The following CACNA2D3 variants were observed in gnomAD, a reference collection of about 807,000 sequenced individuals.
The protein encoded by CACNA2D3 is voltage-dependent calcium channel subunit alpha-2/delta-3.
Under a neutral mutation model 160.6 loss-of-function variants are expected in CACNA2D3, and 60 were observed. The observed-to-expected ratio is 0.37, with a 90% CI of 0.30 to 0.46. The LOEUF (loss-of-function observed/expected upper bound fraction) is 0.46. Ranked by LOEUF, CACNA2D3 falls within the 20% of genes least tolerant of loss-of-function variation. The pLI, the probability that CACNA2D3 is intolerant of heterozygous loss-of-function variation, is 1.00. For missense variants in CACNA2D3, 1,205 were observed against 1,365.0 expected (o/e 0.88, Z 1.85); for synonymous variants, 558 against 492.9 (o/e 1.13, Z -1.75).
At chr3:54,689,414 C>A (rs549619949) in intron 11 of CACNA2D3, among the ~76,000 whole-genome samples, 1 of 152,072 alleles carries the variant, frequency 6.6e-6, no homozygotes, top group Non-Finnish European at 1.5e-5. Flanking sequence ...GTTGACAGCC[C>A]CCAGATGTGT....
intron 27 of CACNA2D3, chr3:54,927,945 G>A (rs763365242): frequency 4.3e-6 from 7 of 1,610,912 alleles, no homozygotes; most frequent in East Asian, 2.2e-5. Flanking sequence ...TGCTGACCTC[G>A]TAGACCCTTT....
rs71074970 is a variant in CACNA2D3, at chr3:54,451,229, C to CTTTTTTTTTTTTT, written c.382-52243_382-52231dup. Among the ~76,000 whole-genome samples, 18 of 51,754 alleles carry CTTTTTTTTTTTTT rather than the reference C, an allele frequency of 3.5e-4. 6 individuals are homozygous for CTTTTTTTTTTTTT. Among genetic ancestry groups the CTTTTTTTTTTTTT allele is most frequent in the African/African-American group, 1.4e-3 (16 of 11,608 alleles). The allele number at this position is 51,754 out of a possible 152,430, so 34.0% of individuals were successfully genotyped here. A position where few individuals can be genotyped will look rare whatever the true frequency, so the allele number is the denominator to read the frequency against. ...TGTCCCTTTCTGCTGATATAATAAT[C>CTTTTTTTTTTTTT]TTTTTTTTTTTTTTTTTTTTTTTTT... On this transcript the variant is annotated intron_variant, in intron 4 of 37. Transcript: ENST00000474759.
At position 54,538,060 on chromosome 3, in the gene CACNA2D3, G is replaced by A. The variant is rs530337764; in HGVS notation, c.545-24740G>A. On this transcript the variant is annotated intron_variant, in intron 5 of 37. Transcript: ENST00000474759. ...ACAGTCACGTGAGTGTCCACCTGGG[G>A]AGTAGAACTCAGGAGGTGATCTGGG... Among the ~76,000 whole-genome samples the A allele has an allele frequency of 2.0e-5, 3 of 152,238 alleles. No individual in the cohort carries two copies. The East Asian group carries it at 5.8e-4, about 29-fold the overall frequency.
At chr3:54,349,433 A>G (rs1575409352) in intron 3 of CACNA2D3, among the ~76,000 whole-genome samples, 2 of 152,290 alleles carry the variant, frequency 1.3e-5, no homozygotes, top group Admixed American at 6.5e-5. Context: ...CATGGAGCCT[A>G]TCAGCAATAC....
intron 4 of CACNA2D3, among the ~76,000 whole-genome samples, chr3:54,405,074 TCTATA>T (rs371578107): frequency 1.8e-3 from 277 of 150,678 alleles, no homozygotes; most frequent in African/African-American, 4.8e-3. Flanking sequence ...TGTTAAAATG[TCTATA>T]CTATACTATA....
chr3:54,365,264 C>T (rs1220476908), intron 3 of CACNA2D3, among the ~76,000 whole-genome samples: 2 of 152,222 alleles, frequency 1.3e-5, no homozygotes, highest in Non-Finnish European at 2.9e-5. Context: ...AGACGCTCCA[C>T]TCTGTGGCCT....
chr3:54,627,386 C>T (rs114132108), intron 9 of CACNA2D3, among the ~76,000 whole-genome samples: 1,968 of 152,096 alleles, frequency 0.013, 49 homozygotes, highest in African/African-American at 0.045. Context: ...GAGGGCGTGG[C>T]AGGAGAGCCA....
intron 11 of CACNA2D3, among the ~76,000 whole-genome samples, chr3:54,692,335 A>G (rs1019731670): frequency 6.6e-6 from 1 of 152,150 alleles, no homozygotes; most frequent in East Asian, 1.9e-4. Flanking sequence ...TCCACTAAGA[A>G]TTCCTTTTAA....
At chr3:54,861,076 C>T (rs928374315) in intron 17 of CACNA2D3, among the ~76,000 whole-genome samples, 1 of 152,112 alleles carries the variant, frequency 6.6e-6, no homozygotes, top group African/African-American at 2.4e-5. Context: ...CGGTGGTGAA[C>T]CTGAAATAGT....
chr3:54,386,143 A>G (rs1160115980), intron 3 of CACNA2D3: 2 of 348,582 alleles, frequency 5.7e-6, no homozygotes, highest in Non-Finnish European at 1.1e-5. Flanking sequence ...TATTAGTTTA[A>G]TTTAAGTGAT....
At chr3:54,333,182 C>T (rs930721755) in intron 3 of CACNA2D3, among the ~76,000 whole-genome samples, 7 of 151,480 alleles carry the variant, frequency 4.6e-5, no homozygotes, top group Admixed American at 2.6e-4. Flanking sequence ...TAGAGGTGGT[C>T]GATTCATGTG....
chr3:54,393,979 C>G (rs549802994), intron 4 of CACNA2D3, among the ~76,000 whole-genome samples: 11 of 152,310 alleles, frequency 7.2e-5, no homozygotes, highest in African/African-American at 2.6e-4. Context: ...GTTGCTGCTG[C>G]ATGTGTCCAT....
At chr3:54,665,708 A>C (rs1700053685) in intron 11 of CACNA2D3, among the ~76,000 whole-genome samples, 1 of 151,880 alleles carries the variant, frequency 6.6e-6, no homozygotes, top group Non-Finnish European at 1.5e-5. Context: ...TTGGCCCCAA[A>C]TTTTATGAAC....
At chr3:54,239,083 TG>T (rs1314921713) in intron 2 of CACNA2D3, among the ~76,000 whole-genome samples, 1 of 152,226 alleles carries the variant, frequency 6.6e-6, no homozygotes, top group Non-Finnish European at 1.5e-5. Flanking sequence ...TAAAAATAAG[TG>T]GGTGTCTGAC....
chr3:54,123,160 T>G (rs981294518), intron 1 of CACNA2D3, among the ~76,000 whole-genome samples: 1,727 of 151,232 alleles, frequency 0.011, 23 homozygotes, highest in Non-Finnish European at 0.019. Context: ...CTTCTTTTTT[T>G]GGGGGGGGGA....
intron 11 of CACNA2D3, among the ~76,000 whole-genome samples, chr3:54,691,308 G>T (rs1351442984): frequency 6.6e-6 from 1 of 152,182 alleles, no homozygotes; most frequent in Non-Finnish European, 1.5e-5. Flanking sequence ...CCCTCCCCAA[G>T]ATATTCTGGT....
intron 27 of CACNA2D3, among the ~76,000 whole-genome samples, chr3:54,932,607 G>A (rs1414896222): frequency 6.6e-6 from 1 of 152,154 alleles, no homozygotes; most frequent in African/African-American, 2.4e-5. Context: ...CCTAGAGTTT[G>A]CCTCCTCTCT....
chr3:54,130,168 G>A (rs1229011452), intron 2 of CACNA2D3, among the ~76,000 whole-genome samples: 2 of 152,188 alleles, frequency 1.3e-5, no homozygotes, highest in African/African-American at 4.8e-5. Context: ...CAACTGCGGG[G>A]CCCTGGCTAA....
chr3:55,071,225 A>T (rs1704797453), intron 35 of CACNA2D3, among the ~76,000 whole-genome samples: 1 of 151,762 alleles, frequency 6.6e-6, no homozygotes, highest in Non-Finnish European at 1.5e-5. Context: ...CTCCTGTGTC[A>T]TTCTGTTTTA....
Sources: gnomAD v4.1 joint callset for allele counts (sites outside exome capture counted in the v4.1 genomes callset) on GRCh38, gnomAD v4.1.1 for gene constraint, MANE v1.5 for transcripts, NCBI Gene and HGNC (gene_info 2026-07-23, HGNC 2026-07-21) for gene names.